The following LARGE1 variants were observed in gnomAD, a reference collection of about 807,000 sequenced individuals.
LARGE1 encodes the protein LARGE xylosyl- and glucuronyltransferase 1.
A neutral mutation model predicts 87.6 loss-of-function variants in LARGE1; 43 were observed. The ratio of observed to expected loss-of-function variants is 0.49; its 90% CI spans 0.38 to 0.63. LARGE1 has a LOEUF of 0.63. Ranked by LOEUF, LARGE1 falls within the 30% of genes least tolerant of loss-of-function variation. LARGE1 has a pLI of 0.00. For synonymous variants in LARGE1, 434 were observed against 394.6 expected (o/e 1.10, Z -1.18); for missense variants, 802 against 1,000.2 (o/e 0.80, Z 2.67).
chr22:33,080,251 T>C, the LARGE1 span, among the ~76,000 whole-genome samples: 1 of 152,182 alleles, frequency 6.6e-6, no homozygotes, highest in South Asian at 2.1e-4. Context: ...ATCACCTCAT[T>C]TAATTCTTAC....
intron 2 of LARGE1, among the ~76,000 whole-genome samples, chr22:33,666,162 G>A (rs928172887): frequency 2.0e-5 from 3 of 152,172 alleles, no homozygotes; most frequent in African/African-American, 7.2e-5. Context: ...CAAGATTCAG[G>A]AAAGTAAGGA....
At chr22:33,330,470 G>A (rs1176610616) in intron 10 of LARGE1, among the ~76,000 whole-genome samples, 1 of 152,080 alleles carries the variant, frequency 6.6e-6, no homozygotes, top group Non-Finnish European at 1.5e-5. Context: ...TTATAGGCAT[G>A]AGCTACCGCA....
Position 33,583,422 on chromosome 22 carries a change from A to G in LARGE1, c.616-18403T>C, listed in dbSNP as rs140624202. Among the ~76,000 whole-genome samples the G allele has an allele frequency of 6.2e-3, 945 of 152,324 alleles. 6 individuals are homozygous for G. The highest frequency in any genetic ancestry group is 0.022 in the African/African-American group (918 of 41,568). On this transcript the variant is annotated intron_variant, in intron 5 of 14. Coordinates refer to ENST00000397394, the MANE Select transcript of LARGE1 (RefSeq NM_133642.5). ...CTTGATTTTCTACTCATCTACCAAGATTCCTGCCCTCAGGATCCATATTGT... is the reference window on the plus strand; with the variant it reads ...CTTGATTTTCTACTCATCTACCAAGGTTCCTGCCCTCAGGATCCATATTGT...
chr22:33,148,859 T>C, the LARGE1 span, among the ~76,000 whole-genome samples: 1 of 152,116 alleles, frequency 6.6e-6, no homozygotes, highest in South Asian at 2.1e-4. Flanking sequence ...TTACTATTTA[T>C]GTATCCTCTT....
At chr22:33,593,147 G>GT (rs775788761) in intron 5 of LARGE1, among the ~76,000 whole-genome samples, 117 of 138,362 alleles carry the variant, frequency 8.5e-4, no homozygotes, top group Non-Finnish European at 1.6e-3. Flanking sequence ...CCTTTTTTCT[G>GT]TTTTTAAAAT....
chr22:33,888,507 G>A (rs1206754100), intron 1 of LARGE1, among the ~76,000 whole-genome samples: 2 of 152,112 alleles, frequency 1.3e-5, no homozygotes, highest in Non-Finnish European at 2.9e-5. Flanking sequence ...CACACACGGG[G>A]GAGGTGGGTA....
chr22:33,225,869 T>C (rs1253104563), intron 11 of LARGE1, among the ~76,000 whole-genome samples: 1 of 152,232 alleles, frequency 6.6e-6, no homozygotes, highest in African/African-American at 2.4e-5. Context: ...GCTCCATCTA[T>C]GTTCCTGCAA....
chr22:33,536,580 C>T (rs890840857), intron 6 of LARGE1, among the ~76,000 whole-genome samples: 1 of 152,226 alleles, frequency 6.6e-6, no homozygotes, highest in African/African-American at 2.4e-5. Context: ...ATAATTATCT[C>T]TCCTGTTTCA....
intron 1 of LARGE1, among the ~76,000 whole-genome samples, chr22:33,858,010 C>T (rs1447783973): frequency 6.6e-6 from 1 of 152,170 alleles, no homozygotes; most frequent in African/African-American, 2.4e-5. Flanking sequence ...GTTCTCTGAC[C>T]TGGGGTTCTT....
At chr22:33,255,754 T>C (rs1162547522) in intron 11 of LARGE1, among the ~76,000 whole-genome samples, 1 of 152,242 alleles carries the variant, frequency 6.6e-6, no homozygotes, top group Non-Finnish European at 1.5e-5. Flanking sequence ...AGGTTCTATC[T>C]GTGCAGCCAC....
In LARGE1 at chr22:33,761,626, G is replaced by C. The variant is rs547623390; in HGVS notation, c.-82-68C>G. The C allele has an allele frequency of 6.4e-4, 451 of 705,006 alleles. 1 individual carries two copies. Among genetic ancestry groups the C allele is most frequent in the Non-Finnish European group, 1.1e-3 (414 of 384,972 alleles). The allele number at this position is 705,006 out of a possible 1,614,324, so 43.7% of individuals were successfully genotyped here. The stretch of plus-strand genomic sequence containing the variant: ...GGAGATGGGTGTAAGTTATGGAAGA[G>C]AAATATCTCATAGATCCTGAAAGGG... On this transcript the variant is annotated intron_variant, in intron 1 of 14. Transcript: ENST00000397394.
At chr22:33,194,979 A>T (rs1923990299) in intron 11 of LARGE1, among the ~76,000 whole-genome samples, 1 of 152,182 alleles carries the variant, frequency 6.6e-6, no homozygotes, top group African/African-American at 2.4e-5. Flanking sequence ...AACACCCTAA[A>T]GTTGCCCAAG....
intron 6 of LARGE1, among the ~76,000 whole-genome samples, chr22:33,511,551 G>C (rs138674180): frequency 2.2e-4 from 34 of 152,264 alleles, no homozygotes; most frequent in African/African-American, 8.2e-4. Context: ...CCAGTCTAGA[G>C]AATGGACCCT....
chr22:33,712,988 GTGTT>G (rs1210753163), intron 2 of LARGE1, among the ~76,000 whole-genome samples: 1 of 152,156 alleles, frequency 6.6e-6, no homozygotes, highest in Admixed American at 6.5e-5. Flanking sequence ...AATCTGTTGT[GTGTT>G]TGTTCTGAAA....
At chr22:33,336,091 G>T (rs553715366) in intron 10 of LARGE1, among the ~76,000 whole-genome samples, 2 of 152,206 alleles carry the variant, frequency 1.3e-5, no homozygotes, top group Non-Finnish European at 2.9e-5. Flanking sequence ...AAGGGTCAAG[G>T]AAAGAGCAGA....
At chr22:33,200,978 G>GT (rs1924351170) in intron 11 of LARGE1, among the ~76,000 whole-genome samples, 1 of 152,070 alleles carries the variant, frequency 6.6e-6, no homozygotes, top group African/African-American at 2.4e-5. Context: ...TTATCTCAAT[G>GT]TTTTTTAAAA....
chr22:33,895,824 A>AC (rs2065129941), intron 1 of LARGE1, among the ~76,000 whole-genome samples: 1 of 152,190 alleles, frequency 6.6e-6, no homozygotes, highest in African/African-American at 2.4e-5. Context: ...TCCCCTGCAC[A>AC]CCCCAAGTGA....
intron 11 of LARGE1, among the ~76,000 whole-genome samples, chr22:33,197,787 C>T (rs1397678191): frequency 3.9e-5 from 6 of 151,958 alleles, no homozygotes; most frequent in Non-Finnish European, 7.4e-5. Flanking sequence ...TAATCTAATC[C>T]TAAAATTGTT....
At position 33,274,248 on chromosome 22, in the gene LARGE1, G is replaced by C. The variant is rs1035387636; in HGVS notation, c.*179C>G. The C allele has an allele frequency of 3.0e-6, 2 of 673,176 alleles. No homozygotes were observed. Among genetic ancestry groups the C allele is most frequent in the African/African-American group, 3.5e-5 (2 of 56,436 alleles). 41.7% of individuals were successfully genotyped at this position (673,176 alleles called of 1,614,324 possible). A position where few individuals can be genotyped will look rare whatever the true frequency, so the allele number is the denominator to read the frequency against. ...GGAATGCAGGGTTGTGGGGCAGAGA[G>C]GGACTGGCTGGATCCTTGTCCAAGG... On this transcript the variant is annotated 3_prime_UTR_variant, in exon 15 of 15. Transcript: ENST00000397394.
Sources: gnomAD v4.1 joint callset for allele counts (sites outside exome capture counted in the v4.1 genomes callset) on GRCh38, gnomAD v4.1.1 for gene constraint, MANE v1.5 for transcripts, NCBI Gene and HGNC (gene_info 2026-07-23, HGNC 2026-07-21) for gene names.